The following SASH1 variants were observed in gnomAD, a reference collection of about 807,000 sequenced individuals.
SASH1 encodes the protein SAM and SH3 domain-containing protein 1.
Under a neutral mutation model 125.2 loss-of-function variants are expected in SASH1, and 44 were observed. The ratio of observed to expected loss-of-function variants is 0.35; its 90% CI spans 0.28 to 0.45. The LOEUF (loss-of-function observed/expected upper bound fraction) is 0.45. SASH1 is among the 20% of genes least tolerant of loss of function. The pLI, the probability that SASH1 is intolerant of heterozygous loss-of-function variation, is 1.00. For missense variants in SASH1, 1,426 were observed against 1,614.5 expected, an observed-to-expected ratio of 0.88 and a Z score of 2.00; for synonymous variants, 639 against 649.1, an observed-to-expected ratio of 0.98 and a Z score of 0.24.
chr6:148,262,823 C>T, the SASH1 span, among the ~76,000 whole-genome samples: 5 of 152,276 alleles, frequency 3.3e-5, no homozygotes, highest in South Asian at 1.0e-3. Flanking sequence ...GGGGAGGTTG[C>T]AGTGAGCCAA....
chr6:148,449,078 C>CTTTTTCTTTTTTTTTTTCTTTTTTTCTTT, intron 4 of SASH1, among the ~76,000 whole-genome samples: 1 of 88,736 alleles, frequency 1.1e-5, no homozygotes. Flanking sequence ...CATTTCATTT[C>CTTTTTCTTTTTTTTTTTCTTTTTTTCTTT]TTTTTTTTTT....
the SASH1 span, among the ~76,000 whole-genome samples, chr6:148,226,728 T>C: frequency 6.6e-6 from 1 of 152,204 alleles, no homozygotes; most frequent in African/African-American, 2.4e-5. Context: ...AGTACACTTA[T>C]GTCACTCAGG....
Position 148,362,155 on chromosome 6 carries a change from C to T in SASH1, c.156+18932C>T, listed in dbSNP as rs570254142. On this transcript the variant is annotated intron_variant, in intron 1 of 19. Coordinates refer to ENST00000367467, the MANE Select transcript of SASH1 (RefSeq NM_015278.5). ...TGTTAGCCAGGATGGTCTCGATATC[C>T]TGACCTTGTGATCCGCCCACCTTGG... Among the ~76,000 whole-genome samples the T allele has an allele frequency of 2.0e-5, 3 of 151,608 alleles. No homozygotes were observed. In the South Asian group the frequency reaches 6.3e-4, roughly 32 times the overall value.
At chr6:148,376,369 C>T (rs546940380) in intron 1 of SASH1, among the ~76,000 whole-genome samples, 17 of 152,158 alleles carry the variant, frequency 1.1e-4, no homozygotes, top group South Asian at 4.2e-4. Flanking sequence ...GTGCCTCCTG[C>T]GTCTTTCTGA....
At chr6:148,406,330 C>G (rs1213470868) in intron 2 of SASH1, among the ~76,000 whole-genome samples, 1 of 151,378 alleles carries the variant, frequency 6.6e-6, no homozygotes, top group African/African-American at 2.4e-5. Flanking sequence ...TATTTCTGAG[C>G]TGCAAGAGAT....
intron 2 of SASH1, among the ~76,000 whole-genome samples, chr6:148,412,204 T>G (rs2114912696): frequency 6.6e-6 from 1 of 152,340 alleles, no homozygotes; most frequent in Middle Eastern, 3.4e-3. Context: ...GATTGAGAAA[T>G]TTATGGTTCA....
intron 2 of SASH1, among the ~76,000 whole-genome samples, chr6:148,407,107 C>A (rs57441503): frequency 6.6e-6 from 1 of 152,026 alleles, no homozygotes; most frequent in Non-Finnish European, 1.5e-5. Flanking sequence ...AATTTACCAT[C>A]CTAACTGATT....
intron 8 of SASH1, among the ~76,000 whole-genome samples, chr6:148,499,057 GTTTTTTTTT>G (rs4052628): frequency 7.9e-6 from 1 of 127,082 alleles, no homozygotes. Context: ...TCTTTTTTTT[GTTTTTTTTT>G]TTTTTTTTGG....
intron 1 of SASH1, chr6:148,380,082 A>G (rs1488133188): frequency 9.4e-6 from 4 of 423,658 alleles, no homozygotes; most frequent in Non-Finnish European, 1.9e-5. Context: ...CCTTAGCTGT[A>G]TAAAAGCAGA....
At chr6:148,530,830 A>C (rs1326880914) in intron 12 of SASH1, among the ~76,000 whole-genome samples, 1 of 152,218 alleles carries the variant, frequency 6.6e-6, no homozygotes, top group Non-Finnish European at 1.5e-5. Flanking sequence ...AGCTACTCAA[A>C]ATGCAGGAAG....
chr6:148,412,527 C>G (rs908109818), intron 2 of SASH1, among the ~76,000 whole-genome samples: 1 of 152,182 alleles, frequency 6.6e-6, no homozygotes, highest in African/African-American at 2.4e-5. Flanking sequence ...AAAAGCTATG[C>G]GTATCAGTCC....
chr6:148,346,950 T>C (rs895761080), intron 1 of SASH1, among the ~76,000 whole-genome samples: 3 of 152,216 alleles, frequency 2.0e-5, no homozygotes, highest in African/African-American at 7.2e-5. Context: ...TGTAGACTTC[T>C]ATTGAGAAGT....
rs970555321 is a variant in SASH1, at chr6:148,455,314, T to C, written c.387-13231T>C. ...CTTTATTCATCGCCACCCAGATCAG[T>C]GTCTTGTCAGCTTTAAGCTCTTGGC... On this transcript the variant is annotated intron_variant, in intron 4 of 19. Transcript: ENST00000367467. Among the ~76,000 whole-genome samples, 6 of 152,118 alleles carry C rather than the reference T, an allele frequency of 3.9e-5. No homozygotes were observed. The East Asian group carries it at 1.2e-3, about 29-fold the overall frequency.
intron 8 of SASH1, among the ~76,000 whole-genome samples, chr6:148,503,685 T>G (rs1779651901): frequency 1.3e-5 from 2 of 151,910 alleles, no homozygotes; most frequent in African/African-American, 4.8e-5. Flanking sequence ...CGTGTGCATT[T>G]GAGGGAGGAT....
intron 1 of SASH1, among the ~76,000 whole-genome samples, chr6:148,353,460 A>T (rs1781814204): frequency 9.8e-6 from 1 of 102,090 alleles, no homozygotes; most frequent in Non-Finnish European, 2.2e-5. Context: ...TTTTTTGGAC[A>T]GAGTCTTGCT....
At chr6:148,509,129 T>C in intron 8 of SASH1, 1 of 351,294 alleles carries the variant, frequency 2.8e-6, no homozygotes, top group East Asian at 7.5e-5. Flanking sequence ...ACAATGAGCA[T>C]ATATGGCTCA....
rs1782452231 is a variant in SASH1, at chr6:148,544,674, A to G, written c.3204A>G (p.Thr1068=). ...PPWLSELPEN[T]SLQEHGVKLG... ...GGCTCTCAGAGCTCCCCGAGAACACAAGCCTCCAGGAGCACGGTGTGAAGC... is the reference window on the plus strand; with the variant it reads ...GGCTCTCAGAGCTCCCCGAGAACACGAGCCTCCAGGAGCACGGTGTGAAGC... Residue 1068 remains threonine, a synonymous_variant, in exon 18 of 20, where the codon ACA becomes ACG. Transcript: ENST00000367467. The surrounding 1 kb of genome is among the most constrained non-coding windows in gnomAD (Gnocchi z 6.4). 3.7e-6 allele frequency: 6 copies of G among 1,613,304 alleles called. No individual in the cohort carries two copies. Among genetic ancestry groups the G allele is most frequent in the African/African-American group, 1.3e-5 (1 of 74,976 alleles).
chr6:148,356,494 C>CTTTTTTTTTTTTT lies in SASH1; in HGVS notation c.156+13279_156+13291dup, dbSNP rs57183555. Among the ~76,000 whole-genome samples, 165 of 116,202 alleles carry CTTTTTTTTTTTTT rather than the reference C, an allele frequency of 1.4e-3. 12 individuals carry two copies. Among genetic ancestry groups the CTTTTTTTTTTTTT allele is most frequent in the East Asian group, 2.3e-3 (8 of 3,442 alleles). 76.2% of individuals were successfully genotyped at this position (116,202 alleles called of 152,430 possible). On this transcript the variant is annotated intron_variant, in intron 1 of 19. Transcript: ENST00000367467. ...TCAAATGGTAGATCTACTTTTAGTT[C>CTTTTTTTTTTTTT]TTTTTTTTTTTTTTTTTTTTGAGAC...
At chr6:148,209,941 T>C in the SASH1 span, among the ~76,000 whole-genome samples, 1 of 152,104 alleles carries the variant, frequency 6.6e-6, no homozygotes, top group Non-Finnish European at 1.5e-5. Flanking sequence ...GTGTATTTTT[T>C]TTCCCCAATG....
Sources: allele counts gnomAD v4.1 joint callset (sites outside exome capture counted in the v4.1 genomes callset), GRCh38; gene constraint gnomAD v4.1.1; non-coding constraint Gnocchi (gnomAD v3.1); transcripts MANE v1.5; gene names NCBI Gene and HGNC (gene_info 2026-07-23, HGNC 2026-07-21).